The following RALGAPA1 variants were observed in gnomAD, a reference collection of about 807,000 sequenced individuals.
RALGAPA1 encodes Ral GTPase activating protein catalytic subunit alpha 1.
A neutral mutation model predicts 269.6 loss-of-function variants in RALGAPA1; 52 were observed. The observed-to-expected ratio is 0.19, with a 90% CI of 0.15 to 0.24. RALGAPA1 has a LOEUF of 0.24. Among genes scored for constraint, RALGAPA1 ranks in the 10% least tolerant of loss-of-function variants. RALGAPA1 has a pLI of 1.00. For synonymous variants in RALGAPA1, 817 were observed against 1,008.3 expected, an observed-to-expected ratio of 0.81 and a Z score of 3.60; for missense variants, 1,917 against 3,013.9, an observed-to-expected ratio of 0.64 and a Z score of 8.52.
chr14:35,759,448 AT>A (rs1221244828), intron 6 of RALGAPA1, among the ~76,000 whole-genome samples: 3 of 152,190 alleles, frequency 2.0e-5, no homozygotes, highest in Non-Finnish European at 4.4e-5. Flanking sequence ...TTGGCTGTTA[AT>A]TAAGCCACCC....
chr14:35,718,223 C>G (rs1320326036), intron 16 of RALGAPA1, among the ~76,000 whole-genome samples: 1 of 152,172 alleles, frequency 6.6e-6, no homozygotes, highest in Admixed American at 6.5e-5. Context: ...ATTGTCAGCT[C>G]CAGTGGAATT....
chr14:35,634,556 G>C lies in RALGAPA1; in HGVS notation c.5995+18C>G. 1.9e-6 allele frequency: 3 copies of C among 1,601,072 alleles called. No individual in the cohort carries two copies. The highest frequency in any genetic ancestry group is 2.2e-5 in the South Asian group (2 of 89,116). ...AGAACCCAAGCAACAATATTGTCCT[G>C]AACAGAATTCATGTTACCTTCTGTT... On this transcript the variant is annotated intron_variant, in intron 33 of 41. Transcript: ENST00000680220.
intron 37 of RALGAPA1, among the ~76,000 whole-genome samples, chr14:35,579,669 A>G (rs1386622884): frequency 6.6e-6 from 1 of 151,776 alleles, no homozygotes; most frequent in Non-Finnish European, 1.5e-5. Context: ...TCTCACCCAC[A>G]TAACATTTAC....
intron 33 of RALGAPA1, among the ~76,000 whole-genome samples, chr14:35,631,176 A>T (rs1217381968): frequency 6.6e-6 from 1 of 152,164 alleles, no homozygotes; most frequent in Non-Finnish European, 1.5e-5. Flanking sequence ...CATTTTGCAC[A>T]TGAGGACAAA....
chr14:35,638,237 C>T (rs1370597315), intron 31 of RALGAPA1, among the ~76,000 whole-genome samples: 1 of 151,796 alleles, frequency 6.6e-6, no homozygotes, highest in Non-Finnish European at 1.5e-5. Flanking sequence ...AAAAGATGAA[C>T]CAATAAAAAA....
Position 35,645,946 on chromosome 14 carries a change from A to T in RALGAPA1, c.5676+5859T>A, listed in dbSNP as rs182553858. Among the ~76,000 whole-genome samples, 97 of 152,232 alleles carry T rather than the reference A, an allele frequency of 6.4e-4. 2 individuals carry two copies. In the Middle Eastern group the frequency reaches 0.017, roughly 27 times the overall value. On this transcript the variant is annotated intron_variant, in intron 31 of 41. Coordinates refer to ENST00000680220, the MANE Select transcript of RALGAPA1 (RefSeq NM_001346249.2). ...CCCAAAATAATGGGGATTTATGAAA[A>T]AGAAGCCACTTTGAAGGGGCTCCCA...
intron 14 of RALGAPA1, chr14:35,723,570 A>G (rs945502616): frequency 2.3e-5 from 4 of 173,744 alleles, no homozygotes; most frequent in Non-Finnish European, 1.2e-5. Flanking sequence ...AATAGTCTCC[A>G]TACTTTTAAG....
chr14:35,800,239 G>A (rs2076872823), intron 1 of RALGAPA1, among the ~76,000 whole-genome samples: 1 of 152,138 alleles, frequency 6.6e-6, no homozygotes, highest in South Asian at 2.1e-4. Context: ...CAAGCAACTC[G>A]TCCTAATTGA....
At chr14:35,580,011 T>TA (rs577294884) in intron 37 of RALGAPA1, among the ~76,000 whole-genome samples, 77 of 152,258 alleles carry the variant, frequency 5.1e-4, no homozygotes, top group African/African-American at 1.7e-3. Context: ...AGATTTAAAA[T>TA]AAAAAATCAG....
intron 26 of RALGAPA1, among the ~76,000 whole-genome samples, chr14:35,665,301 G>T (rs2063839407): frequency 6.6e-6 from 1 of 152,286 alleles, no homozygotes; most frequent in South Asian, 2.1e-4. Context: ...GCCAATGAAG[G>T]TAACTTTTCA....
chr14:35,645,351 GT>G (rs2062345399), intron 31 of RALGAPA1, among the ~76,000 whole-genome samples: 1 of 114,176 alleles, frequency 8.8e-6, no homozygotes, highest in Admixed American at 8.5e-5. Context: ...AGATGGGTGT[GT>G]GTGTGTGTGT....
rs569418316 is a variant in RALGAPA1, at chr14:35,609,394, TAC to T, written c.6930-3687_6930-3686del. On this transcript the variant is annotated intron_variant, in intron 35 of 41. Coordinates refer to ENST00000680220, the MANE Select transcript of RALGAPA1 (RefSeq NM_001346249.2). ...AAAATGTAACAATTTACTCCTAAAT[TAC>T]CAGTGGGTCAAAGAATAAATCTCAA... Among the ~76,000 whole-genome samples the T allele has an allele frequency of 4.8e-3, 724 of 152,204 alleles. 7 individuals are homozygous for T. The highest frequency in any genetic ancestry group is 0.016 in the African/African-American group (670 of 41,542).
rs118026169 is a variant in RALGAPA1, at chr14:35,630,604, C to T, written c.5996-2653G>A. 9.6e-3 allele frequency among the ~76,000 whole-genome samples: 1,456 copies of T among 151,558 alleles called. 68 individuals are homozygous for T. In the South Asian group the frequency reaches 0.15, roughly 15 times the overall value. ...CCCAACATTTCTTAGTCTAAAAGTT[C>T]CAATTAATGGCTGGGTGTGGTGGCT... On this transcript the variant is annotated intron_variant, in intron 33 of 41. Coordinates refer to ENST00000680220, the MANE Select transcript of RALGAPA1 (RefSeq NM_001346249.2).
intron 30 of RALGAPA1, 90 bp downstream of exon 30, chr14:35,654,277 T>A: frequency 1.5e-6 from 2 of 1,337,612 alleles, no homozygotes; most frequent in African/African-American, 3.1e-5. Flanking sequence ...GCAAAAAAAT[T>A]TTAAAACTAT....
At chr14:35,773,089 G>C (rs1232738783) in intron 3 of RALGAPA1, among the ~76,000 whole-genome samples, 1 of 152,002 alleles carries the variant, frequency 6.6e-6, no homozygotes, top group Non-Finnish European at 1.5e-5. Context: ...AAGTTGAAAA[G>C]ACAAATTTGT....
chr14:35,688,573 G>A lies in RALGAPA1; in HGVS notation c.3838C>T (p.Leu1280Phe), dbSNP rs539796141. 3 of 1,536,108 alleles carry A rather than the reference G, an allele frequency of 2.0e-6. No individual in the cohort carries two copies. The highest frequency in any genetic ancestry group is 1.2e-5 in the South Asian group (1 of 84,066). Reference sequence around the variant, plus strand: ...GAAACATTTGCCTTCGGCTTCGAAAGAGCATGTACAACAGTTTTATAAACG... The same window carrying A: ...GAAACATTTGCCTTCGGCTTCGAAAAAGCATGTACAACAGTTTTATAAACG... ...GGVYKTVVHA[L>F]SKPKANVSPQ... The change falls in exon 18 of 42, where the codon CTT (leucine) becomes TTT (phenylalanine). Residue 1280 changes from leucine (L) to phenylalanine (F), a missense_variant. Leu to Phe is a conservative substitution (Grantham distance 22). This residue lies in a region of RALGAPA1 where 615 missense variants were observed against 790.0 expected (regional missense o/e 0.78). Transcript: ENST00000680220.
In RALGAPA1 at chr14:35,689,659, C is replaced by T. The variant is rs1290692259; in HGVS notation, c.2752G>A (p.Val918Ile). 1.5e-6 allele frequency: 2 copies of T among 1,314,702 alleles called. No homozygotes were observed. The highest frequency in any genetic ancestry group is 1.9e-6 in the Non-Finnish European group (2 of 1,036,154). 81.4% of individuals were successfully genotyped at this position (1,314,702 alleles called of 1,614,324 possible). A position where few individuals can be genotyped will look rare whatever the true frequency, so the allele number is the denominator to read the frequency against. The change falls in exon 18 of 42, where the codon GTA becomes ATA. Residue 918 changes from valine (V) to isoleucine (I), a missense_variant. Physicochemically the swap from Val to Ile is conservative, Grantham distance 29 (BLOSUM62 3). Coordinates refer to ENST00000680220, the MANE Select transcript of RALGAPA1 (RefSeq NM_001346249.2). ...TCAAAAGCTGAATCTGCAAGTTCTA[C>T]TGGACCTATTAAATGACAAAGATGG... ...YDHLCHLIGP[V>I]ELADSAFEQI... is the part of the protein sequence containing the mutation.
intron 10 of RALGAPA1, among the ~76,000 whole-genome samples, chr14:35,742,848 T>G (rs1040333075): frequency 6.6e-6 from 1 of 151,372 alleles, no homozygotes; most frequent in African/African-American, 2.4e-5. Flanking sequence ...GTGAGCTATA[T>G]GTACACTTAA....
intron 17 of RALGAPA1, among the ~76,000 whole-genome samples, chr14:35,692,753 A>G (rs777068855): frequency 2.0e-5 from 3 of 152,152 alleles, no homozygotes; most frequent in Middle Eastern, 6.8e-3. Flanking sequence ...TTTATGCTAA[A>G]TTCAGATCAA....
Sources: allele counts gnomAD v4.1 joint callset (sites outside exome capture counted in the v4.1 genomes callset), GRCh38; gene constraint gnomAD v4.1.1; regional missense constraint gnomAD v4.1.1; transcripts MANE v1.5; gene names NCBI Gene and HGNC (gene_info 2026-07-23, HGNC 2026-07-21).